CARS1: variants seen among roughly 807,000 people sequenced by gnomAD.
CARS1 encodes the protein cysteinyl-tRNA synthetase 1.
In CARS1, 48 loss-of-function variants were observed where a neutral mutation model predicts 106.2. The ratio of observed to expected loss-of-function variants is 0.45; its 90% CI spans 0.36 to 0.57. The LOEUF (loss-of-function observed/expected upper bound fraction) is 0.57. CARS1 is among the 20% of genes least tolerant of loss of function. The pLI, the probability that CARS1 is intolerant of heterozygous loss-of-function variation, is 0.00. For synonymous variants in CARS1, 409 were observed against 403.4 expected (o/e 1.01, Z -0.17); for missense variants, 968 against 1,057.2 (o/e 0.92, Z 1.17).
At chr11:3,010,555 G>A (rs183160127) in intron 18 of CARS1, among the ~76,000 whole-genome samples, 4 of 152,342 alleles carry the variant, frequency 2.6e-5, no homozygotes, top group East Asian at 1.9e-4. Context: ...GGGCAAGTGC[G>A]CCCACCGCTG....
chr11:3,010,615 C>G (rs546157170), intron 18 of CARS1, among the ~76,000 whole-genome samples: 2 of 152,334 alleles, frequency 1.3e-5, no homozygotes, highest in South Asian at 4.1e-4. Context: ...GCACTTGTGG[C>G]AGCCCAGCAG....
In CARS1 at chr11:3,040,841, T is replaced by C; in HGVS notation, c.455+55A>G. On this transcript the variant is annotated intron_variant, in intron 4 of 22. Coordinates refer to ENST00000380525, the MANE Select transcript of CARS1 (RefSeq NM_001014437.3). The surrounding 1 kb of genome is among the most constrained non-coding windows in gnomAD (Gnocchi z 5.8). ...GATCGCTGCTGTGGATCCCAATGGC[T>C]CTGACTTCTGCGTGCAACTGCAGAA... is the stretch of plus-strand genomic sequence containing the variant. 6.3e-7 allele frequency: 1 copy of C among 1,591,854 alleles called. No individual in the cohort carries two copies. The highest frequency in any genetic ancestry group is 1.1e-5 in the South Asian group (1 of 87,986).
rs906212351 is a variant in CARS1, at chr11:3,044,069, C to T, written c.275-1813G>A. 3.9e-5 allele frequency among the ~76,000 whole-genome samples: 6 copies of T among 152,180 alleles called. No homozygotes were observed. Among genetic ancestry groups the T allele is most frequent in the African/African-American group, 1.2e-4 (5 of 41,440 alleles). On this transcript the variant is annotated intron_variant, in intron 2 of 22. Transcript: ENST00000380525. The surrounding 1 kb of genome is among the most constrained non-coding windows in gnomAD (Gnocchi z 4.4). ...CACTCAATGCCTGGAGGCATTCAAC[C>T]GGCCACTCTAGGATCCCATCACTCT...
At chr11:3,011,841 G>A (rs1850491902) in intron 18 of CARS1, among the ~76,000 whole-genome samples, 1 of 152,240 alleles carries the variant, frequency 6.6e-6, no homozygotes, top group South Asian at 2.1e-4. Context: ...CCAAATGGCA[G>A]GTGGTGACTG....
In CARS1 at chr11:3,017,336, A is replaced by G. The variant is rs2134140955; in HGVS notation, c.1728-41T>C. The G allele has an allele frequency of 6.4e-7, 1 of 1,573,102 alleles. No homozygotes were observed. Among genetic ancestry groups the G allele is most frequent in the Non-Finnish European group, 8.7e-7 (1 of 1,146,178 alleles). On this transcript the variant is annotated intron_variant, in intron 15 of 22. Coordinates refer to ENST00000380525, the MANE Select transcript of CARS1 (RefSeq NM_001014437.3). The surrounding 1 kb of genome is among the most constrained non-coding windows in gnomAD (Gnocchi z 4.9). Reference sequence around the variant, plus strand: ...GAAGGAATGTGAAGTCAGACCTGAAAACACACCATAGAAATTCCCCATGTG... The same window carrying G: ...GAAGGAATGTGAAGTCAGACCTGAAGACACACCATAGAAATTCCCCATGTG...
chr11:3,029,598 C>T lies in CARS1; in HGVS notation c.802-155G>A, dbSNP rs970149447. On this transcript the variant is annotated intron_variant, in intron 7 of 22. Transcript: ENST00000380525. The surrounding 1 kb of genome is among the most constrained non-coding windows in gnomAD (Gnocchi z 5.9). ...TCTCCTAGGGAGACTGTGATGCTTA[C>T]ACAACTGGCTCGGCAGGGACAAATA... is the stretch of plus-strand genomic sequence containing the variant. 4.6e-5 allele frequency: 33 copies of T among 711,800 alleles called. No individual in the cohort carries two copies. The highest frequency in any genetic ancestry group is 2.0e-4 in the Admixed American group (7 of 34,428). 44.1% of individuals were successfully genotyped at this position (711,800 alleles called of 1,614,324 possible).
intron 19 of CARS1, 65 bp downstream of exon 19, chr11:3,006,814 G>A (rs1849913120): frequency 7.9e-7 from 1 of 1,258,906 alleles, no homozygotes; most frequent in Non-Finnish European, 1.2e-6. Context: ...AGCCCCGGGA[G>A]CTCTCCTTGT....
rs758016627 is a variant in CARS1, at chr11:3,028,632, T to C, written c.1031+364A>G. 14 of 312,328 alleles carry C rather than the reference T, an allele frequency of 4.5e-5. No homozygotes were observed. The highest frequency in any genetic ancestry group is 8.1e-5 in the Non-Finnish European group (14 of 171,828). The allele number at this position is 312,328 out of a possible 1,614,324, so 19.3% of individuals were successfully genotyped here. On this transcript the variant is annotated intron_variant, in intron 9 of 22. Transcript: ENST00000380525. The surrounding 1 kb of genome is among the most constrained non-coding windows in gnomAD (Gnocchi z 4.4). ...TGATGAAATGCATCCTCCTTCGGGA[T>C]ATGACACCAGGACTAGCACTCTCAA...
At position 3,040,949 on chromosome 11, in the gene CARS1, C is replaced by T. The variant is rs751941798; in HGVS notation, c.402G>A (p.Thr134=). 2.4e-5 allele frequency: 39 copies of T among 1,614,084 alleles called. No homozygotes were observed. The highest frequency in any genetic ancestry group is 2.7e-5 in the Non-Finnish European group (32 of 1,180,050). Residue 134 remains threonine, a synonymous_variant, in exon 4 of 23, where the codon ACG becomes ACA. Transcript: ENST00000380525. The surrounding 1 kb of genome is among the most constrained non-coding windows in gnomAD (Gnocchi z 5.8). ...AGACGGTTGGCCCACAGCAATACCA[C>T]GTCACCTTTTTCCCATCTTGAGGTA... The part of the protein sequence containing the change: ...VFIPQDGKKV[T]WYCCGPTVYD...
In CARS1 at chr11:3,041,247, G is replaced by C; in HGVS notation, c.367-263C>G. The C allele has an allele frequency of 2.1e-6, 1 of 469,710 alleles. No individual in the cohort carries two copies. The highest frequency in any genetic ancestry group is 2.8e-5 in the South Asian group (1 of 35,454). The allele number at this position is 469,710 out of a possible 1,614,324, so 29.1% of individuals were successfully genotyped here. A position where few individuals can be genotyped will look rare whatever the true frequency, so the allele number is the denominator to read the frequency against. The stretch of plus-strand genomic sequence containing the variant: ...CATCTATGGAGGGAGGCGATAAAGG[G>C]AATCAATGATTTTATTGATTGTTGA... On this transcript the variant is annotated intron_variant, in intron 3 of 22. Transcript: ENST00000380525. The surrounding 1 kb of genome is among the most constrained non-coding windows in gnomAD (Gnocchi z 4.9).
At chr11:3,042,953 G>A (rs1004276307) in intron 2 of CARS1, among the ~76,000 whole-genome samples, 7 of 152,314 alleles carry the variant, frequency 4.6e-5, no homozygotes, top group Admixed American at 2.0e-4. Context: ...AGGAGTGGCT[G>A]GCTCCCAGCT....
Position 3,040,442 on chromosome 11 carries a change from A to G in CARS1, c.455+454T>C. 1 of 447,824 alleles carries G rather than the reference A, an allele frequency of 2.2e-6. No homozygotes were observed. The highest frequency in any genetic ancestry group is 1.6e-5 in the South Asian group (1 of 62,640). The allele number at this position is 447,824 out of a possible 1,614,324, so 27.7% of individuals were successfully genotyped here. A position where few individuals can be genotyped will look rare whatever the true frequency, so the allele number is the denominator to read the frequency against. On this transcript the variant is annotated intron_variant, in intron 4 of 22. Transcript: ENST00000380525. The surrounding 1 kb of genome is among the most constrained non-coding windows in gnomAD (Gnocchi z 5.8). ...TGAACACATAAAAGGACTCTGTGGC[A>G]TTTACCCCAACAGCCAGCTACTCGT...
rs1852677797 is a variant in CARS1, at chr11:3,030,978, T to C, written c.802-1535A>G. 1 of 152,176 alleles carries C rather than the reference T, an allele frequency of 6.6e-6. No homozygotes were observed. Among genetic ancestry groups the C allele is most frequent in the African/African-American group, 2.4e-5 (1 of 41,438 alleles). 9.4% of individuals were successfully genotyped at this position (152,176 alleles called of 1,614,324 possible). A position where few individuals can be genotyped will look rare whatever the true frequency, so the allele number is the denominator to read the frequency against. ...GAAACAGAGACAAGAAGGAAAATTT[T>C]ATGAAAGACAGGTTAGGAGACACGG... On this transcript the variant is annotated intron_variant, in intron 7 of 22. Transcript: ENST00000380525. This position sits in a 1 kb window ranked among gnomAD's most constrained non-coding sequence, Gnocchi z 5.7.
rs1851080524 is a variant in CARS1, at chr11:3,017,036, T to C, written c.1917+70A>G. 7.2e-7 allele frequency: 1 copy of C among 1,387,330 alleles called. No individual in the cohort carries two copies. The highest frequency in any genetic ancestry group is 1.4e-5 in the African/African-American group (1 of 69,340). The allele number at this position is 1,387,330 out of a possible 1,614,324, so 85.9% of individuals were successfully genotyped here. On this transcript the variant is annotated intron_variant, in intron 16 of 22. Coordinates refer to ENST00000380525, the MANE Select transcript of CARS1 (RefSeq NM_001014437.3). This position sits in a 1 kb window ranked among gnomAD's most constrained non-coding sequence, Gnocchi z 4.9. ...TGGGGGGCACCAGAGGCCTCTGTTC[T>C]CCCAGTCCTGGGGCCTGGCTCCTGT...
intron 20 of CARS1, 32 bp from the exon 21 acceptor site, chr11:3,002,632 G>A (rs1228075900): frequency 3.7e-6 from 6 of 1,613,316 alleles, no homozygotes; most frequent in Non-Finnish European, 5.1e-6. Context: ...AGATGAGACA[G>A]GGCTGCCTCA....
intron 7 of CARS1, among the ~76,000 whole-genome samples, chr11:3,036,503 G>T (rs1013843535): frequency 6.6e-6 from 1 of 152,070 alleles, no homozygotes; most frequent in African/African-American, 2.4e-5. Context: ...ACACCTACTG[G>T]GATGAAAAAA....
intron 19 of CARS1, 47 bp downstream of exon 19, chr11:3,006,832 C>G: frequency 1.3e-6 from 2 of 1,482,090 alleles, no homozygotes; most frequent in Non-Finnish European, 1.9e-6. Context: ...TGTGACACCT[C>G]TCCAAGCTCC....
chr11:3,036,653 C>T (rs1403954437), intron 7 of CARS1, among the ~76,000 whole-genome samples: 4 of 152,206 alleles, frequency 2.6e-5, no homozygotes, highest in African/African-American at 9.7e-5. Context: ...ATCACATGAC[C>T]CAGCAATTCC....
At chr11:3,027,564 T>C (rs1163774681) in intron 9 of CARS1, 1 of 217,210 alleles carries the variant, frequency 4.6e-6, no homozygotes, top group African/African-American at 2.2e-5. Flanking sequence ...TATGATTATA[T>C]ATGAATATCA....
Sources: allele counts gnomAD v4.1 joint callset (sites outside exome capture counted in the v4.1 genomes callset), GRCh38; gene constraint gnomAD v4.1.1; non-coding constraint Gnocchi (gnomAD v3.1); transcripts MANE v1.5; gene names NCBI Gene and HGNC (gene_info 2026-07-23, HGNC 2026-07-21).